Variants in MAP7D2 observed in about 807,000 individuals in gnomAD.
MAP7D2 encodes the protein MAP7 domain-containing protein 2.
A neutral mutation model predicts 63.5 loss-of-function variants in MAP7D2; 33 were observed. That is an observed-to-expected ratio of 0.52 (90% CI 0.39 to 0.70). The LOEUF is 0.70. MAP7D2 is among the 30% of genes least tolerant of loss of function. The pLI, the probability that MAP7D2 is intolerant of heterozygous loss-of-function variation, is 0.00. For synonymous variants in MAP7D2, 224 were observed against 223.7 expected (o/e 1.00, Z -0.01); for missense variants, 626 against 604.0 (o/e 1.04, Z -0.38).
At chrX:20,014,571 A>C (rs756029548) in intron 12 of MAP7D2, among the ~76,000 whole-genome samples, 7 of 112,056 alleles carry the variant, frequency 6.2e-5, no homozygotes, top group Non-Finnish European at 9.4e-5. Context: ...GTCTCAAAAA[A>C]ATAAAAGGCA....
chrX:20,047,740 T>A (rs1215803689), intron 6 of MAP7D2, among the ~76,000 whole-genome samples: 1 of 108,732 alleles, frequency 9.2e-6, no homozygotes, highest in African/African-American at 3.4e-5. Flanking sequence ...CACTTAAGCC[T>A]AGGAGGTTGA....
chrX:20,039,394 G>A (rs147838487), intron 8 of MAP7D2, among the ~76,000 whole-genome samples: 28 of 112,161 alleles, frequency 2.5e-4, no homozygotes, highest in African/African-American at 9.1e-4. Context: ...TTAACTTTAT[G>A]TAATAGCATT....
intron 1 of MAP7D2, among the ~76,000 whole-genome samples, chrX:20,079,365 C>T (rs906129185): frequency 8.0e-5 from 9 of 112,263 alleles, no homozygotes; most frequent in Admixed American, 1.9e-4. Flanking sequence ...TTCGTTGGTC[C>T]TGAACTCTTC....
intron 1 of MAP7D2, among the ~76,000 whole-genome samples, chrX:20,067,764 C>T (rs988308170): frequency 4.5e-5 from 5 of 112,233 alleles, no homozygotes; most frequent in Non-Finnish European, 3.8e-5. Context: ...AGTGCTGTAA[C>T]GAAGTGATGC....
At chrX:20,090,865 A>C (rs2066049915) in intron 1 of MAP7D2, among the ~76,000 whole-genome samples, 1 of 111,021 alleles carries the variant, frequency 9.0e-6, no homozygotes, top group African/African-American at 3.3e-5. Context: ...CCAGCTACTC[A>C]GAAGGCTGAG....
At chrX:20,091,052 C>CTT (rs1280083347) in intron 1 of MAP7D2, among the ~76,000 whole-genome samples, 2 of 91,950 alleles carry the variant, frequency 2.2e-5, no homozygotes, top group Admixed American at 1.2e-4. Flanking sequence ...GTGGAACACT[C>CTT]TTTTTTTTTT....
At chrX:20,057,471 C>A (rs939888835) in intron 3 of MAP7D2, among the ~76,000 whole-genome samples, 2 of 111,390 alleles carry the variant, frequency 1.8e-5, no homozygotes, top group African/African-American at 6.5e-5. Flanking sequence ...TAATTTTTAA[C>A]CAGAAGAGAA....
At chrX:20,024,724 T>A (rs1000429979) in intron 10 of MAP7D2, among the ~76,000 whole-genome samples, 13 of 112,164 alleles carry the variant, frequency 1.2e-4, no homozygotes, top group African/African-American at 4.2e-4. Flanking sequence ...ATCCAAGAGC[T>A]ATGAGTTTCC....
At chrX:20,012,190 C>T (rs990179345) in intron 15 of MAP7D2, among the ~76,000 whole-genome samples, 159 bp downstream of exon 15, 28 of 111,812 alleles carry the variant, frequency 2.5e-4, no homozygotes, top group African/African-American at 7.8e-4. Flanking sequence ...GGGAACCTGA[C>T]GCAAGACACT....
Position 20,015,236 on chromosome X carries a change from A to T in MAP7D2, c.1736T>A (p.Leu579Gln). The change falls in exon 12 of 17, where the codon CTG becomes CAG. Residue 579 changes from leucine to glutamine, a missense_variant. By Grantham distance (113) the Leu-to-Gln change is moderately radical. Coordinates refer to ENST00000379643, the MANE Select transcript of MAP7D2 (RefSeq NM_001168465.2). ...QIMLQIEQER[L>Q]ERKKRIDEIM... ...CTCAGCCCTTACCTTCTTTCTCTCC[A>T]GTCTCTCCTGCTCAATCTGCAGCAT... The T allele has an allele frequency of 8.3e-7, 1 of 1,207,238 alleles. No individual in the cohort carries two copies. Among genetic ancestry groups the T allele is most frequent in the Non-Finnish European group, 1.1e-6 (1 of 891,883 alleles).
intron 1 of MAP7D2, among the ~76,000 whole-genome samples, chrX:20,085,757 G>T (rs781583999): frequency 8.9e-6 from 1 of 112,147 alleles, no homozygotes; most frequent in Admixed American, 9.4e-5. Context: ...TGCTGCCCAG[G>T]ATGGAGTGCA....
chrX:20,097,419 A>G (rs1354967656), intron 1 of MAP7D2, among the ~76,000 whole-genome samples: 3 of 111,454 alleles, frequency 2.7e-5, no homozygotes, highest in Admixed American at 1.9e-4. Context: ...GGGCCAAAAA[A>G]CAAGAGTGCT....
intron 1 of MAP7D2, among the ~76,000 whole-genome samples, chrX:20,079,606 C>T (rs946435253): frequency 3.6e-5 from 4 of 112,023 alleles, no homozygotes; most frequent in African/African-American, 1.3e-4. Context: ...CCAACTGTAT[C>T]CTAGTCAAGA....
intron 1 of MAP7D2, among the ~76,000 whole-genome samples, chrX:20,066,379 G>A (rs2065363568): frequency 8.9e-6 from 1 of 111,849 alleles, no homozygotes; most frequent in Non-Finnish European, 1.9e-5. Context: ...GGCCCACAGT[G>A]TAGGCAGTGG....
At chrX:20,053,468 C>G (rs964768791) in intron 4 of MAP7D2, among the ~76,000 whole-genome samples, 9 of 112,005 alleles carry the variant, frequency 8.0e-5, no homozygotes, top group Non-Finnish European at 1.3e-4. Context: ...GAAATCCGTC[C>G]TCTCAGAGTT....
chrX:20,090,680 G>A (rs770943663), intron 1 of MAP7D2, among the ~76,000 whole-genome samples: 12 of 112,570 alleles, frequency 1.1e-4, no homozygotes, highest in Non-Finnish European at 1.7e-4. Flanking sequence ...CAGCAATCCC[G>A]CCCTGAGGGA....
intron 3 of MAP7D2, among the ~76,000 whole-genome samples, chrX:20,060,413 GA>G (rs749590274): frequency 2.5e-5 from 2 of 80,312 alleles, no homozygotes; most frequent in Non-Finnish European, 4.9e-5. Context: ...GAAAAGAAAA[GA>G]AAAGAGAGAG....
At chrX:20,039,443 T>G (rs887928866) in intron 8 of MAP7D2, among the ~76,000 whole-genome samples, 1 of 112,365 alleles carries the variant, frequency 8.9e-6, no homozygotes, top group African/African-American at 3.2e-5. Context: ...GTAGGAAGGA[T>G]AGGCGTAATT....
intron 1 of MAP7D2, among the ~76,000 whole-genome samples, chrX:20,080,300 C>G (rs2065745858): frequency 9.0e-6 from 1 of 110,712 alleles, no homozygotes; most frequent in Non-Finnish European, 1.9e-5. Context: ...CCTCCACCTT[C>G]ATGCTCTCCT....
Sources: allele counts gnomAD v4.1 joint callset (sites outside exome capture counted in the v4.1 genomes callset), GRCh38; gene constraint gnomAD v4.1.1; transcripts MANE v1.5; gene names NCBI Gene and HGNC (gene_info 2026-07-23, HGNC 2026-07-21).